MYL5: variants seen among roughly 807,000 people sequenced by gnomAD.
MYL5 encodes the protein myosin regulatory light chain 5.
A neutral mutation model predicts 20.8 loss-of-function variants in MYL5; 28 were observed. That is an observed-to-expected ratio of 1.35 (90% CI 1.00 to 1.84). MYL5 has a LOEUF of 1.84. Among genes scored for constraint, MYL5 ranks in the 40% most tolerant of loss-of-function variants. MYL5 has a pLI of 0.00. For missense variants in MYL5, 274 were observed against 227.3 expected (o/e 1.21, Z -1.32); for synonymous variants, 118 against 87.4 (o/e 1.35, Z -1.95).
intron 1 of MYL5, 80 bp from the exon 4 acceptor site, chr4:678,578 T>A: frequency 6.5e-7 from 1 of 1,533,288 alleles, no homozygotes; most frequent in Non-Finnish European, 8.8e-7. Flanking sequence ...TCATCTGAGT[T>A]AAGTCTCTCA....
rs376238911 is a variant in MYL5 at position 679,965 on chromosome 4, C to T, written c.239C>T (p.Ser80Leu). The change falls in exon 4 of 7, where the codon TCG (serine) becomes TTG (leucine). Residue 80 changes from serine (S) to leucine (L), a missense_variant. By Grantham distance (145) the Ser-to-Leu change is moderately radical. Transcript: ENST00000400159. ...CTGGACGCCATGCTCAAAGAGGCCT[C>T]GGGGCCCATCAACTTCACCATGTTT... 1.1e-4 allele frequency: 171 copies of T among 1,613,528 alleles called. No homozygotes were observed. Among genetic ancestry groups the T allele is most frequent in the Non-Finnish European group, 1.3e-4 (154 of 1,179,856 alleles).
At chr4:678,584 T>C (rs1314574492) in intron 1 of MYL5, 74 bp from the exon 4 acceptor site, 3 of 1,538,400 alleles carry the variant, frequency 2.0e-6, no homozygotes, top group Non-Finnish European at 2.6e-6. Context: ...GAGTTAAGTC[T>C]CTCAAAACTC....
At chr4:680,997 G>A (rs1465686419) in intron 5 of MYL5, 95 bp from the exon 8 acceptor site, 5 of 1,372,042 alleles carry the variant, frequency 3.6e-6, no homozygotes, top group East Asian at 2.5e-5. Context: ...TGCAGTGAGC[G>A]AGTACAACCT....
chr4:676,971 G>C (rs892237513), upstream of MYL5: 5 of 975,408 alleles, frequency 5.1e-6, no homozygotes, highest in African/African-American at 7.0e-5. Context: ...GTGTCCCTCA[G>C]GGGGTAGGAC....
At chr4:676,896 C>T, upstream of MYL5, 1 of 985,406 alleles carries the variant, frequency 1.0e-6, no homozygotes, top group Non-Finnish European at 1.2e-6. Context: ...GTCAGTGCTT[C>T]ATAGAGGCCG....
At chr4:680,118 A>G in intron 4 of MYL5, 100 bp downstream of exon 6, 2 of 1,182,878 alleles carry the variant, frequency 1.7e-6, no homozygotes, top group East Asian at 2.5e-5. Flanking sequence ...ATCTCTGGAG[A>G]AGCCCTAGGG....
At chr4:677,655 C>T (rs536118051), upstream of MYL5, among the ~76,000 whole-genome samples, 10 of 152,218 alleles carry the variant, frequency 6.6e-5, no homozygotes, top group Non-Finnish European at 1.0e-4. Context: ...GTGCCCCTTC[C>T]TCTGGCTCCT....
chr4:680,379 G>A (rs900954533), intron 4 of MYL5, 130 bp from the exon 7 acceptor site: 3 of 986,516 alleles, frequency 3.0e-6, no homozygotes, highest in Non-Finnish European at 3.1e-6. Flanking sequence ...TTCAGGCAGA[G>A]GCCACCTTGT....
At chr4:679,091 C>A (rs766021820) in intron 3 of MYL5, 58 bp downstream of exon 5, 2 of 1,404,058 alleles carry the variant, frequency 1.4e-6, no homozygotes, top group South Asian at 1.2e-5. Flanking sequence ...CAGAGGTCCT[C>A]CAGCTCCAGA....
intron 6 of MYL5, among the ~76,000 whole-genome samples, 197 bp downstream of exon 8, chr4:681,337 C>T (rs1413502914): frequency 2.6e-5 from 4 of 152,106 alleles, no homozygotes; most frequent in African/African-American, 7.2e-5. Context: ...CGGTTGGAGA[C>T]CCCTCCCCTC....
chr4:680,447 G>A (rs1350887408), intron 4 of MYL5, 62 bp from the exon 7 acceptor site: 2 of 1,541,944 alleles, frequency 1.3e-6, no homozygotes, highest in Non-Finnish European at 1.8e-6. Flanking sequence ...CCTGCCATCT[G>A]CCCTTGGCAG....
rs937227711 is a variant in MYL5, at chr4:681,231, C to T, written c.420+91C>T. The T allele has an allele frequency of 4.7e-5, 69 of 1,475,742 alleles. No homozygotes were observed. In the African/African-American group the frequency reaches 7.2e-4, roughly 15 times the overall value. The allele number at this position is 1,475,742 out of a possible 1,614,324, so 91.4% of individuals were successfully genotyped here. On this transcript the variant is annotated intron_variant, in intron 6 of 6. Coordinates refer to ENST00000400159, the Ensembl canonical transcript of MYL5. ...GGAGGGGGACGCGGAGCCCGAGGAG[C>T]AGCGCCGCGGTTAGGACCCAGGACA...
In MYL5 at chr4:681,386, C is replaced by G. The variant is rs981467890; in HGVS notation, c.420+246C>G. On this transcript the variant is annotated intron_variant, in intron 6 of 6. Coordinates refer to ENST00000400159, the Ensembl canonical transcript of MYL5. ...GCTGGAGACCCCTCCGCGGCCTGAG[C>G]GTCTGTCCCAGCCGGAGGGGCGGGG... Among the ~76,000 whole-genome samples, 2 of 151,900 alleles carry G rather than the reference C, an allele frequency of 1.3e-5. 1 individual carries two copies. The highest frequency in any genetic ancestry group is 4.2e-4 in the South Asian group (2 of 4,814).
Position 679,899 on chromosome 4 carries a change from C to T in MYL5, c.188-15C>T. 6.2e-7 allele frequency: 1 copy of T among 1,612,540 alleles called. No individual in the cohort carries two copies. Among genetic ancestry groups the T allele is most frequent in the Non-Finnish European group, 8.5e-7 (1 of 1,179,020 alleles). ...CAACAAGCCCTGCCCTGTGATGCCC[C>T]CATGTCTGTAACAGGCAAGACCAAC... On this transcript the variant is annotated splice_polypyrimidine_tract_variant and intron_variant, in intron 3 of 6. Transcript: ENST00000400159.
intron 2 of MYL5, 34 bp downstream of exon 4, chr4:678,799 C>T: frequency 6.2e-7 from 1 of 1,607,884 alleles, no homozygotes; most frequent in South Asian, 1.1e-5. Flanking sequence ...GAGCCCCCAC[C>T]CCCAGGAGCC....
intron 3 of MYL5, 192 bp downstream of exon 5, chr4:679,225 A>C: frequency 1.5e-6 from 1 of 687,534 alleles, no homozygotes; most frequent in Non-Finnish European, 2.6e-6. Flanking sequence ...AGAGCATCCC[A>C]GGGTGAGACA....
chr4:678,083 G>A (rs1222673133), intron 1 of MYL5, 54 bp downstream of exon 3: 47 of 1,606,258 alleles, frequency 2.9e-5, no homozygotes, highest in Non-Finnish European at 3.8e-5. Context: ...GAGCTGTGCT[G>A]TGCATGTGTA....
upstream of MYL5, chr4:677,870 T>A (rs1032191512): frequency 7.8e-7 from 1 of 1,287,638 alleles, no homozygotes; most frequent in Admixed American, 1.7e-5. Flanking sequence ...CTGCCAAAGC[T>A]CACTCTGCAG....
At chr4:677,994 T>TGGGCAGACGCATCAAAGC (rs771413252) in exon 1 of MYL5, 1 of 1,613,280 alleles carries the variant, frequency 6.2e-7, no homozygotes, top group Non-Finnish European at 8.5e-7. Context: ...CCTGGGGCCC[T>TGGGCAGACGCATCAAAGC]GGGCAGACGC....
Sources: gnomAD v4.1 joint callset for allele counts (sites outside exome capture counted in the v4.1 genomes callset) on GRCh38, gnomAD v4.1.1 for gene constraint, MANE v1.5 for transcripts, NCBI Gene and HGNC (gene_info 2026-07-23, HGNC 2026-07-21) for gene names.